Variants in PLCB1 observed in about 807,000 individuals in gnomAD.
PLCB1 encodes the protein phospholipase C beta 1.
A neutral mutation model predicts 161.8 loss-of-function variants in PLCB1; 46 were observed. That is an observed-to-expected ratio of 0.28 (90% CI 0.22 to 0.36). The LOEUF (loss-of-function observed/expected upper bound fraction) is 0.36, where lower values mean the gene tolerates loss of function less well. PLCB1 is among the 10% of genes least tolerant of loss of function. PLCB1 has a pLI of 1.00. For synonymous variants in PLCB1, 517 were observed against 503.7 expected (o/e 1.03, Z -0.35); for missense variants, 1,016 against 1,472.5 (o/e 0.69, Z 5.07).
chr20:8,256,143 T>G (rs932693488), intron 2 of PLCB1, among the ~76,000 whole-genome samples: 5 of 152,112 alleles, frequency 3.3e-5, no homozygotes, highest in African/African-American at 1.2e-4. Context: ...ATTATCCCCC[T>G]CATTAAGTGA....
intron 3 of PLCB1, among the ~76,000 whole-genome samples, chr20:8,398,223 A>G (rs542189448): frequency 5.9e-5 from 9 of 152,288 alleles, no homozygotes; most frequent in African/African-American, 2.2e-4. Flanking sequence ...GTATATACAT[A>G]CATATATTTC....
chr20:8,799,056 G>A (rs927797535), intron 31 of PLCB1, among the ~76,000 whole-genome samples: 1 of 152,194 alleles, frequency 6.6e-6, no homozygotes, highest in African/African-American at 2.4e-5. Context: ...TAAGGTAACT[G>A]AGTTTGAGAT....
intron 31 of PLCB1, among the ~76,000 whole-genome samples, chr20:8,796,406 G>A (rs574257853): frequency 4.9e-4 from 74 of 152,248 alleles, no homozygotes; most frequent in South Asian, 1.5e-3. Flanking sequence ...CAAACTTCGG[G>A]ATTTAAAATA....
Position 8,847,719 on chromosome 20 carries a change from C to T in PLCB1, c.3424-33903C>T, listed in dbSNP as rs189314609. 2.9e-3 allele frequency among the ~76,000 whole-genome samples: 443 copies of T among 152,224 alleles called. 2 individuals are homozygous for T. The highest frequency in any genetic ancestry group is 0.011 in the South Asian group (55 of 4,814). On this transcript the variant is annotated intron_variant, in intron 31 of 31. Transcript: ENST00000338037. Reference sequence around the variant, plus strand: ...AGTCAGAGGTTCCCACAACACTGTCCTCAGCTTCAATAATTTACTAGAACA... The same window carrying T: ...AGTCAGAGGTTCCCACAACACTGTCTTCAGCTTCAATAATTTACTAGAACA...
intron 2 of PLCB1, among the ~76,000 whole-genome samples, chr20:8,222,577 G>A (rs1398712051): frequency 6.6e-6 from 1 of 151,860 alleles, no homozygotes; most frequent in African/African-American, 2.4e-5. Context: ...TATTCTACTT[G>A]GTTTTTGCTG....
chr20:8,382,283 CTTTTTTTTTT>C (rs71331303), intron 3 of PLCB1, among the ~76,000 whole-genome samples: 1 of 130,556 alleles, frequency 7.7e-6, no homozygotes, highest in African/African-American at 2.9e-5. Flanking sequence ...GTTTCTTTTT[CTTTTTTTTTT>C]TTTTTTTGAG....
intron 2 of PLCB1, among the ~76,000 whole-genome samples, chr20:8,163,223 C>T (rs906877361): frequency 4.6e-5 from 7 of 152,126 alleles, no homozygotes; most frequent in Non-Finnish European, 8.8e-5. Context: ...AGTGAAGCTC[C>T]GTCCCATTGG....
rs867245832 is a variant in PLCB1, at chr20:8,792,276, T to G, written c.3423+2015T>G. 18 of 211,356 alleles carry G rather than the reference T, an allele frequency of 8.5e-5. No individual in the cohort carries two copies. In the Middle Eastern group the frequency reaches 6.6e-3, roughly 77 times the overall value. The allele number at this position is 211,356 out of a possible 1,614,324, so 13.1% of individuals were successfully genotyped here. On this transcript the variant is annotated intron_variant, in intron 31 of 31. Transcript: ENST00000338037. ...TACAATGGCCTCATATTCCCATTCT[T>G]AAACCAATCATGGGCAGTAGGGTAT... is the stretch of plus-strand genomic sequence containing the variant.
intron 4 of PLCB1, among the ~76,000 whole-genome samples, chr20:8,641,697 G>T (rs943220263): frequency 9.2e-5 from 14 of 152,180 alleles, no homozygotes; most frequent in African/African-American, 3.4e-4. Context: ...ACTGAAAATG[G>T]AGGAATTAGC....
chr20:8,133,287 T>C (rs1160539111), intron 1 of PLCB1, among the ~76,000 whole-genome samples: 1 of 152,108 alleles, frequency 6.6e-6, no homozygotes, highest in Non-Finnish European at 1.5e-5. Flanking sequence ...TGGTCGTTGA[T>C]GCCAAACTTC....
In PLCB1 at chr20:8,132,679, G is replaced by T. The variant is rs150241349; in HGVS notation, c.28G>T (p.Ala10Ser). ...GGCCGGGGCTCAACCCGGAGTGCAC[G>T]CCTTGCAACTCAAGCCCGTGTGCGT... is the stretch of plus-strand genomic sequence containing the variant. MAGAQPGVH[A>S]LQLKPVCVSD... Residue 10 changes from alanine to serine, a missense_variant, in exon 1 of 32, where the codon GCC becomes TCC. By Grantham distance (99) the Ala-to-Ser change is moderately conservative. Transcript: ENST00000338037. The surrounding 1 kb of genome is among the most constrained non-coding windows in gnomAD (Gnocchi z 5.2). The T allele has an allele frequency of 2.9e-4, 469 of 1,612,474 alleles. 4 individuals carry two copies. Among genetic ancestry groups the T allele is most frequent in the South Asian group, 1.9e-3 (177 of 90,986 alleles).
At chr20:8,453,144 C>T (rs1175467227) in intron 3 of PLCB1, among the ~76,000 whole-genome samples, 1 of 152,218 alleles carries the variant, frequency 6.6e-6, no homozygotes, top group East Asian at 1.9e-4. Flanking sequence ...TCCTAACATG[C>T]TCATTCCAAA....
At chr20:8,828,682 T>A (rs547611398) in intron 31 of PLCB1, among the ~76,000 whole-genome samples, 2 of 151,606 alleles carry the variant, frequency 1.3e-5, no homozygotes, top group African/African-American at 4.9e-5. Flanking sequence ...AGTGGTGTCA[T>A]GACAAAGCAC....
chr20:8,593,331 C>A (rs1302850192), intron 3 of PLCB1, among the ~76,000 whole-genome samples: 1 of 151,988 alleles, frequency 6.6e-6, no homozygotes, highest in African/African-American at 2.4e-5. Context: ...AGCCACCATG[C>A]CCATCTAATT....
chr20:8,618,147 G>A (rs1395896804), intron 3 of PLCB1, among the ~76,000 whole-genome samples: 3 of 152,130 alleles, frequency 2.0e-5, no homozygotes, highest in African/African-American at 7.2e-5. Flanking sequence ...TGGTTGGGGA[G>A]AGAAATGATG....
At chr20:8,753,915 A>G (rs567570388) in intron 23 of PLCB1, among the ~76,000 whole-genome samples, 1 of 152,232 alleles carries the variant, frequency 6.6e-6, no homozygotes, top group East Asian at 1.9e-4. Context: ...GGTTTCTATC[A>G]TTTCCACTAA....
intron 27 of PLCB1, among the ~76,000 whole-genome samples, chr20:8,774,943 T>C (rs919361418): frequency 3.3e-5 from 5 of 152,358 alleles, no homozygotes; most frequent in Admixed American, 2.0e-4. Flanking sequence ...GGCTGTATTT[T>C]ATCATTTTTA....
chr20:8,325,305 T>C (rs1306539584), intron 2 of PLCB1, among the ~76,000 whole-genome samples: 2 of 152,228 alleles, frequency 1.3e-5, no homozygotes, highest in Admixed American at 1.3e-4. Flanking sequence ...ACCATTATTC[T>C]GGACTCTTCT....
chr20:8,207,418 A>G (rs886770163), intron 2 of PLCB1, among the ~76,000 whole-genome samples: 7 of 152,160 alleles, frequency 4.6e-5, no homozygotes, highest in Non-Finnish European at 1.0e-4. Flanking sequence ...GAAGCATGGC[A>G]TCACTATGAA....
Sources: gnomAD v4.1 joint callset for allele counts (sites outside exome capture counted in the v4.1 genomes callset) on GRCh38, gnomAD v4.1.1 for gene constraint, Gnocchi (gnomAD v3.1) non-coding constraint, MANE v1.5 for transcripts, NCBI Gene and HGNC (gene_info 2026-07-23, HGNC 2026-07-21) for gene names.